Variants in NAV1 observed in about 807,000 individuals in gnomAD.
The protein encoded by NAV1 is neuron navigator 1.
NAV1 carries 18 observed loss-of-function variants against 175.2 expected under a neutral mutation model. The observed-to-expected ratio is 0.10, with a 90% CI of 0.07 to 0.15. NAV1 has a LOEUF of 0.15. Ranked by LOEUF, NAV1 falls within the 10% of genes least tolerant of loss-of-function variation. NAV1 has a pLI of 1.00. For synonymous variants in NAV1, 897 were observed against 978.7 expected (o/e 0.92, Z 1.56); for missense variants, 1,731 against 2,436.6 (o/e 0.71, Z 6.10).
chr1:201,780,885 A>T (rs1676281966), intron 4 of NAV1, 127 bp from the exon 9 acceptor site: 2 of 1,125,338 alleles, frequency 1.8e-6, no homozygotes, highest in African/African-American at 1.6e-5. Flanking sequence ...TATAGGTAGA[A>T]ACCCTCAGTT....
chr1:201,688,976 A>G (rs148200677), intron 1 of NAV1, among the ~76,000 whole-genome samples: 40 of 152,322 alleles, frequency 2.6e-4, no homozygotes, highest in African/African-American at 9.1e-4. Context: ...AGTTTATCCC[A>G]TGGAAACATG....
intron 2 of NAV1, among the ~76,000 whole-genome samples, chr1:201,637,569 A>G (rs1668645219): frequency 6.6e-6 from 1 of 152,202 alleles, no homozygotes; most frequent in Non-Finnish European, 1.5e-5. Context: ...AGGATTTATT[A>G]CAGAGTAAGA....
At position 201,690,265 on chromosome 1, in the gene NAV1, A is replaced by G. The variant is rs111639125; in HGVS notation, c.758-22552A>G. Among the ~76,000 whole-genome samples, 150 of 85,450 alleles carry G rather than the reference A, an allele frequency of 1.8e-3. 2 individuals carry two copies. Among genetic ancestry groups the G allele is most frequent in the African/African-American group, 5.6e-3 (140 of 25,016 alleles). 56.1% of individuals were successfully genotyped at this position (85,450 alleles called of 152,430 possible). A position where few individuals can be genotyped will look rare whatever the true frequency, so the allele number is the denominator to read the frequency against. ...GGCCTGTCCGTGGCAGAGTATGTCTATTTCCTCTCTGGCCTGTCTGTGGCA... is the reference window on the plus strand; with the variant it reads ...GGCCTGTCCGTGGCAGAGTATGTCTGTTTCCTCTCTGGCCTGTCTGTGGCA... On this transcript the variant is annotated intron_variant, in intron 1 of 29. Coordinates refer to ENST00000367296, the Ensembl canonical transcript of NAV1.
intron 1 of NAV1, among the ~76,000 whole-genome samples, chr1:201,685,486 T>C (rs1267112): frequency 0.068 from 10,282 of 152,264 alleles, 562 homozygotes; most frequent in African/African-American, 0.14. Context: ...CTTGTAATCA[T>C]TGAGAAGGTG....
At chr1:201,614,557 C>T (rs1447241482) in intron 2 of NAV1, among the ~76,000 whole-genome samples, 1 of 152,232 alleles carries the variant, frequency 6.6e-6, no homozygotes, top group Non-Finnish European at 1.5e-5. Flanking sequence ...GCTCTCACCA[C>T]CCTCTGAGTC....
chr1:201,582,740 G>A (rs926059683), intron 1 of NAV1, among the ~76,000 whole-genome samples: 1 of 152,224 alleles, frequency 6.6e-6, no homozygotes, highest in Non-Finnish European at 1.5e-5. Context: ...CCTGTCCTCG[G>A]GAATGGGAGA....
At chr1:201,769,349 T>A (rs1675416915) in intron 3 of NAV1, among the ~76,000 whole-genome samples, 1 of 152,234 alleles carries the variant, frequency 6.6e-6, no homozygotes, top group Admixed American at 6.5e-5. Context: ...ATTCACACTT[T>A]GTCACTGTTG....
intron 1 of NAV1, among the ~76,000 whole-genome samples, chr1:201,692,394 G>A (rs945808739): frequency 2.0e-5 from 3 of 152,310 alleles, no homozygotes; most frequent in African/African-American, 7.2e-5. Flanking sequence ...CTGGAATGGT[G>A]AGTTTTACTG....
At chr1:201,679,240 GGCTTGGAGGT>G (rs1670375710) in intron 1 of NAV1, among the ~76,000 whole-genome samples, 1 of 152,138 alleles carries the variant, frequency 6.6e-6, no homozygotes, top group Non-Finnish European at 1.5e-5. Flanking sequence ...TCTCCCAAAG[GGCTTGGAGGT>G]GCTTGGAGAA....
intron 1 of NAV1, among the ~76,000 whole-genome samples, chr1:201,665,137 C>A (rs977531840): frequency 6.6e-6 from 1 of 152,134 alleles, no homozygotes; most frequent in Non-Finnish European, 1.5e-5. Flanking sequence ...TTCTTCCTTC[C>A]CAACCTTCTT....
chr1:201,568,399 C>T (rs574863570), intron 1 of NAV1, among the ~76,000 whole-genome samples: 3 of 152,274 alleles, frequency 2.0e-5, no homozygotes, highest in South Asian at 2.1e-4. Flanking sequence ...CTGCCATCAC[C>T]GCTTCCCGGG....
At chr1:201,734,716 TCA>T (rs1387738123) in intron 3 of NAV1, among the ~76,000 whole-genome samples, 1 of 151,882 alleles carries the variant, frequency 6.6e-6, no homozygotes, top group Non-Finnish European at 1.5e-5. Flanking sequence ...ACACACACAC[TCA>T]CACACACCCT....
At chr1:201,550,372 A>G (rs986570688) in intron 1 of NAV1, among the ~76,000 whole-genome samples, 21 of 152,020 alleles carry the variant, frequency 1.4e-4, no homozygotes, top group Non-Finnish European at 4.4e-5. Flanking sequence ...GGGTCTCGCT[A>G]TGTTGCCCAG....
intron 1 of NAV1, among the ~76,000 whole-genome samples, chr1:201,540,309 C>T (rs1391865382): frequency 6.6e-6 from 1 of 152,192 alleles, no homozygotes; most frequent in African/African-American, 2.4e-5. Context: ...AGAGCTGGAT[C>T]CCCCCTTGAT....
At chr1:201,786,443 C>T in exon 9 of NAV1, 2 of 1,613,156 alleles carry the variant, frequency 1.2e-6, no homozygotes, top group Non-Finnish European at 1.7e-6. Flanking sequence ...CAGCTTCAGT[C>T]CCAGGAGGAG....
At chr1:201,625,606 C>T (rs1668306835) in intron 1 of NAV1, among the ~76,000 whole-genome samples, 2 of 152,348 alleles carry the variant, frequency 1.3e-5, no homozygotes, top group Admixed American at 1.3e-4. Context: ...GATTCTGAAG[C>T]TGATGAGAGA....
intron 3 of NAV1, among the ~76,000 whole-genome samples, chr1:201,748,507 G>C (rs1402023978): frequency 2.0e-5 from 3 of 152,170 alleles, no homozygotes; most frequent in South Asian, 2.1e-4. Context: ...GAACCTCAGG[G>C]GGCAAAAGTG....
At chr1:201,682,579 A>G (rs1315370596) in intron 1 of NAV1, among the ~76,000 whole-genome samples, 4 of 152,186 alleles carry the variant, frequency 2.6e-5, no homozygotes, top group African/African-American at 9.7e-5. Flanking sequence ...TTCCAGGACC[A>G]CTGACTTATA....
chr1:201,602,839 C>T (rs1207553761), intron 2 of NAV1, among the ~76,000 whole-genome samples: 4 of 152,076 alleles, frequency 2.6e-5, no homozygotes, highest in African/African-American at 9.6e-5. Flanking sequence ...CACCAGTCCC[C>T]CTCAGCCCCC....
Sources: gnomAD v4.1 joint callset for allele counts (sites outside exome capture counted in the v4.1 genomes callset) on GRCh38, gnomAD v4.1.1 for gene constraint, MANE v1.5 for transcripts, NCBI Gene and HGNC (gene_info 2026-07-23, HGNC 2026-07-21) for gene names.